Variants in DCC observed in about 807,000 individuals in gnomAD.
The protein encoded by DCC is netrin receptor DCC.
A neutral mutation model predicts 172.5 loss-of-function variants in DCC; 58 were observed. The observed-to-expected ratio is 0.34, with a 90% CI of 0.27 to 0.42. The LOEUF is 0.42. DCC is among the 10% of genes least tolerant of loss of function. The probability of loss-of-function intolerance (pLI) is 1.00; values close to 1 mark genes in which losing one functional copy is unlikely to be tolerated. For missense variants in DCC, 1,740 were observed against 1,791.0 expected, an observed-to-expected ratio of 0.97 and a Z score of 0.51; for synonymous variants, 709 against 644.5, an observed-to-expected ratio of 1.10 and a Z score of -1.52.
At chr18:53,281,338 G>A (rs559025221) in intron 12 of DCC, among the ~76,000 whole-genome samples, 16 of 152,088 alleles carry the variant, frequency 1.1e-4, no homozygotes, top group Non-Finnish European at 2.2e-4. Flanking sequence ...GATATGTCAT[G>A]TAACTCTTTT....
chr18:52,570,336 TTA>T (rs1412066005), intron 1 of DCC, among the ~76,000 whole-genome samples: 1 of 152,194 alleles, frequency 6.6e-6, no homozygotes, highest in Non-Finnish European at 1.5e-5. Context: ...CTTCTCCCGT[TTA>T]TATAGAAATA....
At chr18:53,313,963 T>A (rs1366752401) in intron 13 of DCC, among the ~76,000 whole-genome samples, 1 of 152,190 alleles carries the variant, frequency 6.6e-6, no homozygotes, top group Admixed American at 6.5e-5. Flanking sequence ...ATCAAGAAAG[T>A]AACCTGGAAA....
intron 2 of DCC, among the ~76,000 whole-genome samples, chr18:52,827,884 C>A (rs1418679263): frequency 2.6e-5 from 4 of 152,128 alleles, no homozygotes; most frequent in African/African-American, 9.7e-5. Flanking sequence ...GGTGTGTGAG[C>A]TGCATTATCT....
At chr18:52,802,958 A>G (rs1477123865) in intron 2 of DCC, among the ~76,000 whole-genome samples, 1 of 151,914 alleles carries the variant, frequency 6.6e-6, no homozygotes, top group African/African-American at 2.4e-5. Flanking sequence ...TATAAAGAAA[A>G]CCATAAGGAA....
intron 1 of DCC, among the ~76,000 whole-genome samples, chr18:52,352,457 G>T (rs189290029): frequency 6.6e-6 from 1 of 152,302 alleles, no homozygotes; most frequent in East Asian, 1.9e-4. Flanking sequence ...AGCTAAGTTA[G>T]ATCTGACATA....
chr18:52,536,172 G>A lies in DCC; in HGVS notation c.91+195294G>A, dbSNP rs576591994. On this transcript the variant is annotated intron_variant, in intron 1 of 28. Transcript: ENST00000442544. The stretch of plus-strand genomic sequence containing the variant: ...CGGGAGGAACAGTGATATGTGGGGG[G>A]AAGGAGGAAATGGAACCATGTGGGT... 7.2e-4 allele frequency among the ~76,000 whole-genome samples: 109 copies of A among 152,218 alleles called. 1 individual carries two copies. Among genetic ancestry groups the A allele is most frequent in the African/African-American group, 2.3e-3 (97 of 41,546 alleles).
chr18:53,221,097 A>G lies in DCC; in HGVS notation c.1911+5500A>G, dbSNP rs188951754. ...CAGATCTCTTCCATCCTGTCTTTTT[A>G]CTTAATAGATCCTTTTTTATTGTGG... is the stretch of plus-strand genomic sequence containing the variant. On this transcript the variant is annotated intron_variant, in intron 12 of 28. Coordinates refer to ENST00000442544, the MANE Select transcript of DCC (RefSeq NM_005215.4). Among the ~76,000 whole-genome samples the G allele has an allele frequency of 1.2e-3, 176 of 152,170 alleles. 1 individual carries two copies. Among genetic ancestry groups the G allele is most frequent in the Non-Finnish European group, 2.3e-3 (159 of 67,992 alleles).
chr18:52,475,182 T>C (rs950650557), intron 1 of DCC, among the ~76,000 whole-genome samples: 1 of 152,194 alleles, frequency 6.6e-6, no homozygotes, highest in African/African-American at 2.4e-5. Flanking sequence ...TAGAGATAGA[T>C]AATACTTAAG....
intron 1 of DCC, among the ~76,000 whole-genome samples, chr18:52,494,032 T>G (rs1197936436): frequency 2.0e-5 from 3 of 152,230 alleles, no homozygotes; most frequent in Admixed American, 2.0e-4. Context: ...AATGACAAAT[T>G]CTCTTGCTTT....
At chr18:52,913,506 T>C (rs540232261) in intron 3 of DCC, among the ~76,000 whole-genome samples, 5 of 152,214 alleles carry the variant, frequency 3.3e-5, no homozygotes, top group African/African-American at 1.2e-4. Context: ...AGTTTTTTTT[T>C]CTATTTTTAT....
chr18:53,134,072 A>G (rs1178069079), intron 7 of DCC, among the ~76,000 whole-genome samples: 1 of 152,180 alleles, frequency 6.6e-6, no homozygotes, highest in Non-Finnish European at 1.5e-5. Context: ...TCAGCCAGTC[A>G]TACTCATGAC....
chr18:52,516,887 C>T (rs2031660530), intron 1 of DCC, among the ~76,000 whole-genome samples: 1 of 152,170 alleles, frequency 6.6e-6, no homozygotes, highest in African/African-American at 2.4e-5. Flanking sequence ...CTGCATATTA[C>T]AATAATTATT....
In DCC at chr18:52,498,042, G is replaced by A. The variant is rs568622874; in HGVS notation, c.91+157164G>A. On this transcript the variant is annotated intron_variant, in intron 1 of 28. Transcript: ENST00000442544. The stretch of plus-strand genomic sequence containing the variant: ...AGAGACAATACAAAAAGGAATAAGT[G>A]TGGCTGTGCTATAATAAAACTTCAC... Among the ~76,000 whole-genome samples, 242 of 152,302 alleles carry A rather than the reference G, an allele frequency of 1.6e-3. 1 individual carries two copies. The highest frequency in any genetic ancestry group is 5.6e-3 in the African/African-American group (232 of 41,564).
intron 15 of DCC, among the ~76,000 whole-genome samples, chr18:53,347,164 A>G (rs2057735385): frequency 6.6e-6 from 1 of 152,104 alleles, no homozygotes; most frequent in South Asian, 2.1e-4. Context: ...TTCTGGCACA[A>G]AGTGGTGAGG....
chr18:53,447,725 T>C (rs1479165090), intron 22 of DCC, among the ~76,000 whole-genome samples: 2 of 152,110 alleles, frequency 1.3e-5, no homozygotes, highest in African/African-American at 4.8e-5. Context: ...CATAAAAGGT[T>C]AATTTATTCC....
intron 1 of DCC, among the ~76,000 whole-genome samples, chr18:52,505,695 T>C (rs1018740669): frequency 1.3e-5 from 2 of 152,128 alleles, no homozygotes; most frequent in Non-Finnish European, 2.9e-5. Context: ...AGTTGAAAAA[T>C]TCCAAGACTC....
chr18:53,133,140 GTCTGTA>G (rs1223577097), intron 7 of DCC, among the ~76,000 whole-genome samples: 3 of 152,250 alleles, frequency 2.0e-5, no homozygotes, highest in Non-Finnish European at 4.4e-5. Flanking sequence ...TTTTCTTGTT[GTCTGTA>G]TTAGCTCCTG....
chr18:52,848,363 A>G (rs928250111), intron 2 of DCC, among the ~76,000 whole-genome samples: 1 of 152,134 alleles, frequency 6.6e-6, no homozygotes, highest in Non-Finnish European at 1.5e-5. Context: ...TTGGGATTAC[A>G]GGCGTGTGCT....
intron 7 of DCC, among the ~76,000 whole-genome samples, chr18:53,111,434 G>T (rs200177285): frequency 2.8e-5 from 1 of 35,584 alleles, no homozygotes; most frequent in South Asian, 4.6e-4. Flanking sequence ...ACAAAAAAAA[G>T]AAAGAAAGAT....
Sources: gnomAD v4.1 joint callset for allele counts (sites outside exome capture counted in the v4.1 genomes callset) on GRCh38, gnomAD v4.1.1 for gene constraint, MANE v1.5 for transcripts, NCBI Gene and HGNC (gene_info 2026-07-23, HGNC 2026-07-21) for gene names.